The following SLC24A2 variants were observed in gnomAD, a reference collection of about 807,000 sequenced individuals.
SLC24A2 encodes solute carrier family 24 member 2, also known as sodium/potassium/calcium exchanger 2.
A neutral mutation model predicts 62.0 loss-of-function variants in SLC24A2; 36 were observed. That is an observed-to-expected ratio of 0.58 (90% CI 0.44 to 0.77). The LOEUF is 0.77. SLC24A2 is among the 30% of genes least tolerant of loss of function. The pLI is 0.00. For missense variants in SLC24A2, 846 were observed against 817.9 expected, an observed-to-expected ratio of 1.03 and a Z score of -0.42; for synonymous variants, 358 against 294.0, an observed-to-expected ratio of 1.22 and a Z score of -2.23.
the SLC24A2 span, among the ~76,000 whole-genome samples, chr9:19,850,966 T>TACACATAC: frequency 5.0e-5 from 1 of 19,996 alleles, no homozygotes; most frequent in African/African-American, 1.5e-4. Flanking sequence ...TATATATATA[T>TACACATAC]GTATATATAT....
chr9:20,232,228 A>G, the SLC24A2 span, among the ~76,000 whole-genome samples: 1 of 152,188 alleles, frequency 6.6e-6, no homozygotes, highest in African/African-American at 2.4e-5. Context: ...AGGCTTTGGT[A>G]TCAGGATGAT....
the SLC24A2 span, among the ~76,000 whole-genome samples, chr9:20,196,330 G>A: frequency 0.054 from 8,178 of 152,216 alleles, 278 homozygotes; most frequent in Middle Eastern, 0.078. Context: ...GAAATGCCCC[G>A]CAGCCCCCAA....
At chr9:19,741,547 T>C (rs372972536) in intron 2 of SLC24A2, among the ~76,000 whole-genome samples, 1 of 152,206 alleles carries the variant, frequency 6.6e-6, no homozygotes, top group Admixed American at 6.5e-5. Context: ...TAGCCTTTTC[T>C]CTTTGACCCT....
At chr9:19,652,880 T>C (rs1010151885) in intron 2 of SLC24A2, among the ~76,000 whole-genome samples, 6 of 152,036 alleles carry the variant, frequency 3.9e-5, no homozygotes, top group Admixed American at 1.3e-4. Context: ...GCCCCTGCTA[T>C]GTGCCAGGCA....
chr9:19,516,164 C>T lies in SLC24A2; in HGVS notation c.1975G>A (p.Val659Ile), dbSNP rs138630242. The change falls in exon 11 of 11, where the codon GTC (valine) becomes ATC (isoleucine). Residue 659 changes from valine to isoleucine, a missense_variant. Transcript: ENST00000341998. ...TATGGCTTTTCCTGCTAGATGGAGA[C>T]GGGGCATGTAAGAATTCTGTCTTCT... ...LLEDRILTCPVSI is the reference protein window; with the variant it reads ...LLEDRILTCPISI 8.3e-5 allele frequency: 134 copies of T among 1,614,032 alleles called. No individual in the cohort carries two copies. The highest frequency in any genetic ancestry group is 5.1e-4 in the East Asian group (23 of 44,868).
the SLC24A2 span, among the ~76,000 whole-genome samples, chr9:19,948,844 CAAA>C: frequency 0.32 from 22,122 of 69,872 alleles, 1,470 homozygotes; most frequent in Admixed American, 0.41. Flanking sequence ...GACTCCGTCT[CAAA>C]AAAAAAAAAA....
the SLC24A2 span, among the ~76,000 whole-genome samples, chr9:20,019,178 AAAG>A: frequency 1.3e-5 from 2 of 149,942 alleles, no homozygotes; most frequent in Non-Finnish European, 3.0e-5. Context: ...AGAAAGAAAG[AAAG>A]AAGGAAAAGA....
chr9:19,707,825 T>C (rs940190548), intron 2 of SLC24A2, among the ~76,000 whole-genome samples: 7 of 152,162 alleles, frequency 4.6e-5, no homozygotes, highest in African/African-American at 1.7e-4. Context: ...ACTGGAAGCA[T>C]TCCCTTTGAA....
chr9:20,299,042 T>C, the SLC24A2 span, among the ~76,000 whole-genome samples: 2 of 152,154 alleles, frequency 1.3e-5, no homozygotes, highest in African/African-American at 4.8e-5. Context: ...CATAGAGTCA[T>C]TCCCCAAATA....
intron 2 of SLC24A2, among the ~76,000 whole-genome samples, chr9:19,667,499 C>A (rs1034035000): frequency 3.3e-5 from 5 of 152,182 alleles, no homozygotes; most frequent in Non-Finnish European, 7.3e-5. Flanking sequence ...CTTTCCACCC[C>A]TATGTTTGCT....
At chr9:19,885,779 G>T in the SLC24A2 span, among the ~76,000 whole-genome samples, 2 of 152,006 alleles carry the variant, frequency 1.3e-5, no homozygotes, top group Non-Finnish European at 2.9e-5. Context: ...GCCCCAGTAT[G>T]TATTATTCCC....
the SLC24A2 span, among the ~76,000 whole-genome samples, chr9:19,804,219 A>G: frequency 3.9e-5 from 6 of 152,068 alleles, no homozygotes; most frequent in Non-Finnish European, 8.8e-5. Flanking sequence ...ATTTGGAGAG[A>G]ATTGCCATTT....
chr9:20,088,533 A>C, the SLC24A2 span, among the ~76,000 whole-genome samples: 1 of 152,150 alleles, frequency 6.6e-6, no homozygotes, highest in South Asian at 2.1e-4. Context: ...AGGGTTTTCC[A>C]GTCAGCAGCA....
chr9:19,906,537 G>A, the SLC24A2 span, among the ~76,000 whole-genome samples: 3 of 152,032 alleles, frequency 2.0e-5, no homozygotes, highest in Non-Finnish European at 1.5e-5. Flanking sequence ...ATGAATCCAG[G>A]AGCTGGTTTT....
chr9:20,070,784 A>G, the SLC24A2 span, among the ~76,000 whole-genome samples: 1 of 152,240 alleles, frequency 6.6e-6, no homozygotes, highest in South Asian at 2.1e-4. Context: ...TGATTAGCCC[A>G]AACCTTATGC....
the SLC24A2 span, among the ~76,000 whole-genome samples, chr9:20,040,535 C>G: frequency 6.6e-6 from 1 of 152,154 alleles, no homozygotes; most frequent in African/African-American, 2.4e-5. Context: ...CTTTTCAACC[C>G]CCACCAAATG....
At position 19,785,112 on chromosome 9, in the gene SLC24A2, A is replaced by G. The variant is rs147971545; in HGVS notation, c.930+825T>C. Among the ~76,000 whole-genome samples the G allele has an allele frequency of 4.3e-4, 66 of 152,346 alleles. 1 individual carries two copies. The East Asian group carries it at 0.012, about 28-fold the overall frequency. ...TCAGAACTCCATTACAATACCACAT[A>G]CGATTGTATTGATGCCATTTGTCCA... is the stretch of plus-strand genomic sequence containing the variant. On this transcript the variant is annotated intron_variant, in intron 2 of 10. Transcript: ENST00000341998.
intron 2 of SLC24A2, among the ~76,000 whole-genome samples, chr9:19,729,287 G>A (rs1031815840): frequency 1.3e-5 from 2 of 152,112 alleles, no homozygotes; most frequent in Non-Finnish European, 1.5e-5. Context: ...TAACCAGTAC[G>A]GCCGCTATGG....
chr9:19,983,339 A>G, the SLC24A2 span, among the ~76,000 whole-genome samples: 1 of 152,138 alleles, frequency 6.6e-6, no homozygotes, highest in Non-Finnish European at 1.5e-5. Context: ...AGGATAAAAT[A>G]ACAACTAAAA....
Sources: gnomAD v4.1 joint callset for allele counts (sites outside exome capture counted in the v4.1 genomes callset) on GRCh38, gnomAD v4.1.1 for gene constraint, MANE v1.5 for transcripts, NCBI Gene and HGNC (gene_info 2026-07-23, HGNC 2026-07-21) for gene names.